The following NDUFS1 variants were observed in gnomAD, a reference collection of about 807,000 sequenced individuals.
NDUFS1 encodes the protein NADH-ubiquinone oxidoreductase 75 kDa subunit, mitochondrial.
Under a neutral mutation model 84.4 loss-of-function variants are expected in NDUFS1, and 61 were observed. The ratio of observed to expected loss-of-function variants is 0.72; its 90% CI spans 0.59 to 0.89. The LOEUF is 0.89. Among genes scored for constraint, NDUFS1 ranks in the 40% least tolerant of loss-of-function variants. The pLI is 0.00. For missense variants in NDUFS1, 891 were observed against 890.0 expected (o/e 1.00, Z -0.01); for synonymous variants, 275 against 290.0 (o/e 0.95, Z 0.53).
In NDUFS1 at chr2:206,115,781, T is replaced by C. The variant is rs1447916864; in HGVS notation, c.*8404A>G. The C allele has an allele frequency of 1.3e-5, 5 of 396,538 alleles. No homozygotes were observed. Among genetic ancestry groups the C allele is most frequent in the Non-Finnish European group, 2.4e-5 (5 of 208,642 alleles). The allele number at this position is 396,538 out of a possible 1,614,324, so 24.6% of individuals were successfully genotyped here. ...GTATGGACATACACAAGTTACAATA[T>C]TATATAAGGCTTAAGAATAACAACA... On this transcript the variant is annotated 3_prime_UTR_variant, in exon 19 of 19. Transcript: ENST00000233190.
At chr2:206,157,076 C>A (rs541660266) in intron 1 of NDUFS1, among the ~76,000 whole-genome samples, 2 of 152,304 alleles carry the variant, frequency 1.3e-5, no homozygotes, top group Admixed American at 6.5e-5. Context: ...TCTTGCCTCC[C>A]AAGTAGCTGG....
intron 3 of NDUFS1, among the ~76,000 whole-genome samples, chr2:206,151,245 T>C (rs879818868): frequency 2.1e-4 from 32 of 152,256 alleles, no homozygotes; most frequent in Admixed American, 2.0e-3. Flanking sequence ...ATTTCATGAC[T>C]GGACCTTCCC....
chr2:206,121,373 G>A lies in NDUFS1; in HGVS notation c.*2812C>T, dbSNP rs1179042381. On this transcript the variant is annotated 3_prime_UTR_variant, in exon 19 of 19. Coordinates refer to ENST00000233190, the MANE Select transcript of NDUFS1 (RefSeq NM_005006.7). ...AATGTTTATGCTTACAATAACCTTA[G>A]TATTTGGCATTACGACACTAATATG... 1 of 152,130 alleles carries A rather than the reference G, an allele frequency of 6.6e-6. No individual in the cohort carries two copies. Among genetic ancestry groups the A allele is most frequent in the East Asian group, 1.9e-4 (1 of 5,200 alleles). The allele number at this position is 152,130 out of a possible 1,614,324, so 9.4% of individuals were successfully genotyped here.
chr2:206,146,255 C>T (rs918117175), intron 8 of NDUFS1, among the ~76,000 whole-genome samples: 3 of 152,080 alleles, frequency 2.0e-5, no homozygotes, highest in Non-Finnish European at 4.4e-5. Context: ...CAAAGAAAAT[C>T]ATATTTAAAA....
chr2:206,142,602 G>T, intron 11 of NDUFS1, 84 bp downstream of exon 11: 1 of 1,533,744 alleles, frequency 6.5e-7, no homozygotes, highest in South Asian at 1.1e-5. Flanking sequence ...GGATATGTTG[G>T]AGAATCCAGG....
At chr2:206,149,767 T>A (rs748223695) in intron 4 of NDUFS1, 51 bp downstream of exon 4, 1 of 1,366,320 alleles carries the variant, frequency 7.3e-7, no homozygotes, top group Non-Finnish European at 1.0e-6. Context: ...CTGCAAGATT[T>A]AAAGTTTTCT....
At chr2:206,132,358 A>C (rs940609170) in intron 14 of NDUFS1, among the ~76,000 whole-genome samples, 2 of 152,126 alleles carry the variant, frequency 1.3e-5, no homozygotes, top group African/African-American at 2.4e-5. Flanking sequence ...CTGAGGCAGA[A>C]GTATCGCCTG....
At chr2:206,127,692 G>A (rs1691345974) in intron 16 of NDUFS1, 105 bp downstream of exon 16, 5 of 1,194,752 alleles carry the variant, frequency 4.2e-6, no homozygotes, top group Non-Finnish European at 6.2e-6. Context: ...AATCATCTCT[G>A]CATTTCAGAC....
At chr2:206,141,907 T>C in intron 12 of NDUFS1, 34 bp downstream of exon 12, 1 of 1,572,244 alleles carries the variant, frequency 6.4e-7, no homozygotes, top group South Asian at 1.1e-5. Context: ...ATTACATAAA[T>C]ATTTTTAAAC....
chr2:206,157,963 CTTTTT>C (rs1553509152), intron 1 of NDUFS1, among the ~76,000 whole-genome samples: 1 of 131,860 alleles, frequency 7.6e-6, no homozygotes, highest in Non-Finnish European at 1.6e-5. Flanking sequence ...ATTTCAATAG[CTTTTT>C]TTTTTTTTTT....
chr2:206,144,390 T>C (rs1179509581), intron 9 of NDUFS1, among the ~76,000 whole-genome samples: 1 of 152,250 alleles, frequency 6.6e-6, no homozygotes, highest in African/African-American at 2.4e-5. Context: ...TGATTTCTTA[T>C]ACTTTCAGCT....
intron 1 of NDUFS1, 46 bp downstream of exon 1, chr2:206,159,295 C>T (rs559262109): frequency 1.4e-6 from 1 of 709,068 alleles, no homozygotes; most frequent in African/African-American, 1.8e-5. Flanking sequence ...AATAAATAAG[C>T]CTCTGGCCGA....
At chr2:206,144,206 G>T (rs1190946831) in intron 9 of NDUFS1, 74 bp from the exon 10 acceptor site, 4 of 1,137,284 alleles carry the variant, frequency 3.5e-6, no homozygotes, top group Admixed American at 3.4e-5. Flanking sequence ...AAATCAACAA[G>T]AAATGTTATT....
At chr2:206,140,922 G>A (rs1311316009) in intron 12 of NDUFS1, among the ~76,000 whole-genome samples, 17 of 127,996 alleles carry the variant, frequency 1.3e-4, no homozygotes, top group African/African-American at 1.5e-4. Context: ...TATGTAGTGT[G>A]TATATATATA....
At chr2:206,136,714 G>A (rs1287170005) in intron 13 of NDUFS1, among the ~76,000 whole-genome samples, 1 of 151,160 alleles carries the variant, frequency 6.6e-6, no homozygotes. Context: ...GATTACAGGT[G>A]TGAGCCACTG....
At chr2:206,137,585 G>T (rs374829945) in intron 13 of NDUFS1, among the ~76,000 whole-genome samples, 1 of 151,818 alleles carries the variant, frequency 6.6e-6, no homozygotes, top group Non-Finnish European at 1.5e-5. Context: ...GCTCAGAAAG[G>T]GGGGAAAAAA....
intron 8 of NDUFS1, among the ~76,000 whole-genome samples, chr2:206,145,834 G>A (rs6435330): frequency 6.6e-6 from 1 of 152,032 alleles, no homozygotes; most frequent in East Asian, 1.9e-4. Flanking sequence ...CTTGGAGCAC[G>A]AGGCAAACTT....
intron 14 of NDUFS1, 49 bp from the exon 15 acceptor site, chr2:206,130,291 A>G: frequency 1.9e-6 from 3 of 1,594,448 alleles, no homozygotes; most frequent in Non-Finnish European, 2.6e-6. Flanking sequence ...TTTTCAATGT[A>G]AAAAATTAAA....
intron 8 of NDUFS1, among the ~76,000 whole-genome samples, chr2:206,146,552 T>C (rs970893349): frequency 4.6e-5 from 7 of 152,320 alleles, no homozygotes; most frequent in African/African-American, 1.4e-4. Context: ...GCTAAATGTC[T>C]ATTAGCAGAA....
Sources: allele counts gnomAD v4.1 joint callset (sites outside exome capture counted in the v4.1 genomes callset), GRCh38; gene constraint gnomAD v4.1.1; transcripts MANE v1.5; gene names NCBI Gene and HGNC (gene_info 2026-07-23, HGNC 2026-07-21).